The following SHISA9 variants were observed in gnomAD, a reference collection of about 807,000 sequenced individuals.
SHISA9 encodes the protein shisa family member 9.
SHISA9 carries 13 observed loss-of-function variants against 38.0 expected under a neutral mutation model. The ratio of observed to expected loss-of-function variants is 0.34; its 90% CI spans 0.22 to 0.54. The LOEUF (loss-of-function observed/expected upper bound fraction) is 0.54. SHISA9 is among the 20% of genes least tolerant of loss of function. The pLI is 0.91. For missense variants in SHISA9, 538 were observed against 575.8 expected (o/e 0.93, Z 0.67); for synonymous variants, 275 against 242.0 (o/e 1.14, Z -1.27).
At chr16:13,278,369 G>A in the SHISA9 span, among the ~76,000 whole-genome samples, 1 of 151,910 alleles carries the variant, frequency 6.6e-6, no homozygotes, top group Non-Finnish European at 1.5e-5. Flanking sequence ...ATATCGGTCT[G>A]TAGTTTTCTC....
chr16:13,434,419 G>GTTTTTTTGTTTTTTTTT, the SHISA9 span, among the ~76,000 whole-genome samples: 2 of 64,566 alleles, frequency 3.1e-5, no homozygotes, highest in Non-Finnish European at 6.4e-5. Flanking sequence ...GACAAGCTAT[G>GTTTTTTTGTTTTTTTTT]TTTTTTTTTT....
chr16:13,222,287 A>G (rs1414153497), intron 4 of SHISA9, among the ~76,000 whole-genome samples: 1 of 152,076 alleles, frequency 6.6e-6, no homozygotes, highest in East Asian at 1.9e-4. Context: ...ACCCAAGGAG[A>G]GTAATCCAGG....
chr16:13,404,316 T>G, the SHISA9 span, among the ~76,000 whole-genome samples: 1 of 152,236 alleles, frequency 6.6e-6, no homozygotes, highest in East Asian at 1.9e-4. Context: ...TGAAAAGAAA[T>G]ACGAAAATGA....
chr16:13,059,977 CTG>C (rs1038092416), intron 2 of SHISA9, among the ~76,000 whole-genome samples: 21 of 152,186 alleles, frequency 1.4e-4, no homozygotes, highest in Admixed American at 1.2e-3. Context: ...GCCATCCTGT[CTG>C]TGGTTCTTTA....
chr16:13,298,276 G>A, the SHISA9 span, among the ~76,000 whole-genome samples: 1 of 152,110 alleles, frequency 6.6e-6, no homozygotes, highest in Non-Finnish European at 1.5e-5. Flanking sequence ...AGCCTACTAA[G>A]CTGGAAGGAA....
chr16:13,312,980 G>C, the SHISA9 span, among the ~76,000 whole-genome samples: 1 of 152,084 alleles, frequency 6.6e-6, no homozygotes, highest in Non-Finnish European at 1.5e-5. Flanking sequence ...CCCAGGCCGG[G>C]CGCGGTGGCT....
At chr16:13,537,805 C>A in the SHISA9 span, among the ~76,000 whole-genome samples, 1 of 151,904 alleles carries the variant, frequency 6.6e-6, no homozygotes, top group African/African-American at 2.4e-5. Context: ...ATTTTGAATG[C>A]CATGGGGAAG....
At chr16:13,203,351 C>G in intron 2 of SHISA9, 43 bp from the exon 3 acceptor site, 2 of 1,472,388 alleles carry the variant, frequency 1.4e-6, no homozygotes, top group Non-Finnish European at 1.8e-6. Flanking sequence ...GTAGATGGTT[C>G]TGCCCTGTCT....
intron 2 of SHISA9, among the ~76,000 whole-genome samples, chr16:12,966,353 T>TC (rs34273614): frequency 0.77 from 116,577 of 151,998 alleles, 44,872 homozygotes; most frequent in Middle Eastern, 0.8. Flanking sequence ...CCTTCTCAAA[T>TC]CCTAAAGCGC....
chr16:12,935,267 A>G (rs1242431986), intron 2 of SHISA9, among the ~76,000 whole-genome samples: 2 of 152,218 alleles, frequency 1.3e-5, no homozygotes, highest in East Asian at 3.9e-4. Flanking sequence ...GACCCAAACA[A>G]ATTCCATCTC....
intron 2 of SHISA9, among the ~76,000 whole-genome samples, chr16:13,058,818 C>T (rs918522925): frequency 6.6e-6 from 1 of 151,388 alleles, no homozygotes; most frequent in Admixed American, 6.6e-5. Context: ...TCTCCCATAG[C>T]TAGGGATCCA....
At chr16:12,957,563 T>A (rs1465288436) in intron 2 of SHISA9, among the ~76,000 whole-genome samples, 3 of 152,148 alleles carry the variant, frequency 2.0e-5, no homozygotes, top group Non-Finnish European at 4.4e-5. Context: ...CTTCACACCT[T>A]TATGACATCA....
At chr16:12,927,757 C>A (rs2071410524) in intron 2 of SHISA9, among the ~76,000 whole-genome samples, 1 of 151,958 alleles carries the variant, frequency 6.6e-6, no homozygotes, top group Admixed American at 6.6e-5. Flanking sequence ...AGGACATGGG[C>A]TCCCACCCCC....
intron 2 of SHISA9, among the ~76,000 whole-genome samples, chr16:13,190,006 G>C (rs2050867419): frequency 6.6e-6 from 1 of 152,038 alleles, no homozygotes; most frequent in Admixed American, 6.6e-5. Flanking sequence ...TGAGTGAAGG[G>C]GCAAACATCT....
chr16:13,225,476 T>C (rs1227493806), intron 4 of SHISA9, among the ~76,000 whole-genome samples: 2 of 152,202 alleles, frequency 1.3e-5, no homozygotes, highest in Non-Finnish European at 2.9e-5. Context: ...TGGATTTTGT[T>C]CTTAAGTGTA....
intron 2 of SHISA9, among the ~76,000 whole-genome samples, chr16:12,934,042 G>GC (rs2071496245): frequency 6.6e-6 from 1 of 152,072 alleles, no homozygotes. Context: ...GGGCATTCTA[G>GC]CCAAAACAAA....
chr16:13,302,217 C>A, the SHISA9 span, among the ~76,000 whole-genome samples: 1 of 152,088 alleles, frequency 6.6e-6, no homozygotes, highest in East Asian at 1.9e-4. Flanking sequence ...GTTTGTCCCC[C>A]CATTGAACTT....
chr16:13,372,641 T>C, the SHISA9 span, among the ~76,000 whole-genome samples: 2 of 152,242 alleles, frequency 1.3e-5, no homozygotes, highest in Non-Finnish European at 2.9e-5. Context: ...ATTTCAGTTC[T>C]CAGTATTCAC....
intron 2 of SHISA9, among the ~76,000 whole-genome samples, chr16:13,174,591 G>T (rs1216006816): frequency 6.6e-6 from 1 of 152,226 alleles, no homozygotes; most frequent in African/African-American, 2.4e-5. Flanking sequence ...TCCAGGACTG[G>T]ACCCCTTACT....
Sources: gnomAD v4.1 joint callset for allele counts (sites outside exome capture counted in the v4.1 genomes callset) on GRCh38, gnomAD v4.1.1 for gene constraint, MANE v1.5 for transcripts, NCBI Gene and HGNC (gene_info 2026-07-23, HGNC 2026-07-21) for gene names.